PHF14: variants seen among roughly 807,000 people sequenced by gnomAD.
PHF14 encodes PHD finger protein 14.
Under a neutral mutation model 117.9 loss-of-function variants are expected in PHF14, and 55 were observed. The ratio of observed to expected loss-of-function variants is 0.47; its 90% CI spans 0.38 to 0.58. The LOEUF (loss-of-function observed/expected upper bound fraction) is 0.58, where lower values mean the gene tolerates loss of function less well. Ranked by LOEUF, PHF14 falls within the 20% of genes least tolerant of loss-of-function variation. The pLI, the probability that PHF14 is intolerant of heterozygous loss-of-function variation, is 0.00. For missense variants in PHF14, 978 were observed against 1,122.2 expected (o/e 0.87, Z 1.84); for synonymous variants, 409 against 368.6 (o/e 1.11, Z -1.26).
intron 4 of PHF14, among the ~76,000 whole-genome samples, chr7:10,994,870 G>C (rs1782578076): frequency 6.6e-6 from 1 of 152,178 alleles, no homozygotes; most frequent in Non-Finnish European, 1.5e-5. Context: ...TTATTGCAAA[G>C]AGCGAAAGAA....
intron 16 of PHF14, among the ~76,000 whole-genome samples, chr7:11,078,666 T>C (rs953359144): frequency 2.6e-5 from 4 of 152,162 alleles, no homozygotes; most frequent in African/African-American, 9.6e-5. Context: ...CCAACAGTGC[T>C]ATTTTTATTT....
intron 4 of PHF14, among the ~76,000 whole-genome samples, chr7:10,999,403 C>A (rs944666733): frequency 6.6e-6 from 1 of 152,172 alleles, no homozygotes; most frequent in African/African-American, 2.4e-5. Context: ...CTTGTGGTCT[C>A]AATGTCTCAC....
At chr7:11,122,325 T>C (rs1426888607) in intron 17 of PHF14, among the ~76,000 whole-genome samples, 17 of 93,886 alleles carry the variant, frequency 1.8e-4, no homozygotes, top group African/African-American at 8.7e-4. Flanking sequence ...TTACTGTTTG[T>C]ACTTTTTATA....
intron 16 of PHF14, among the ~76,000 whole-genome samples, chr7:11,066,600 G>A (rs1378096172): frequency 6.6e-6 from 1 of 152,100 alleles, no homozygotes; most frequent in African/African-American, 2.4e-5. Flanking sequence ...TTTTGTATAT[G>A]GTTTCAGGTA....
At chr7:11,044,343 A>C (rs539178313) in intron 13 of PHF14, among the ~76,000 whole-genome samples, 17 of 152,222 alleles carry the variant, frequency 1.1e-4, no homozygotes, top group African/African-American at 3.9e-4. Flanking sequence ...AAAAGAAAAG[A>C]AGTAATGTAC....
intron 2 of PHF14, 149 bp downstream of exon 2, chr7:10,975,094 C>G (rs1781815106): frequency 3.1e-6 from 2 of 641,314 alleles, no homozygotes; most frequent in Admixed American, 3.1e-5. Flanking sequence ...CCCATTTTGC[C>G]TTTAGATCCT....
chr7:10,988,320 C>T (rs1253313967), intron 3 of PHF14, among the ~76,000 whole-genome samples: 6 of 151,910 alleles, frequency 3.9e-5, no homozygotes, highest in Non-Finnish European at 8.8e-5. Context: ...TTTTTCTGAG[C>T]AAAATGGAAA....
intron 16 of PHF14, chr7:11,106,965 A>C: frequency 1.0e-6 from 1 of 983,754 alleles, no homozygotes; most frequent in Non-Finnish European, 1.2e-6. Context: ...TGATCATAAA[A>C]ATGTACATCC....
intron 16 of PHF14, among the ~76,000 whole-genome samples, chr7:11,075,307 A>G (rs1785791756): frequency 1.3e-5 from 2 of 152,160 alleles, no homozygotes; most frequent in African/African-American, 4.8e-5. Context: ...ATGTTGCCAT[A>G]AAGAAGTACC....
chr7:11,059,678 G>A (rs1196550569), intron 14 of PHF14, among the ~76,000 whole-genome samples: 1 of 152,068 alleles, frequency 6.6e-6, no homozygotes, highest in African/African-American at 2.4e-5. Context: ...CAAGGCTGAG[G>A]TGTGAGAATC....
intron 16 of PHF14, among the ~76,000 whole-genome samples, chr7:11,097,218 A>T (rs1786910337): frequency 6.6e-6 from 1 of 152,064 alleles, no homozygotes; most frequent in African/African-American, 2.4e-5. Context: ...ATCTCAGGTG[A>T]TCCGCCTGCC....
At chr7:11,107,616 G>A in intron 16 of PHF14, 1 of 746,530 alleles carries the variant, frequency 1.3e-6, no homozygotes, top group Non-Finnish European at 1.6e-6. Context: ...TTCTTTACAG[G>A]TTAGTTTTGT....
In PHF14 at chr7:10,982,984, A is replaced by C. The variant is rs1268069904; in HGVS notation, c.725A>C (p.Glu242Ala). 6.3e-7 allele frequency: 1 copy of C among 1,585,646 alleles called. No individual in the cohort carries two copies. Among genetic ancestry groups the C allele is most frequent in the Non-Finnish European group, 8.6e-7 (1 of 1,166,262 alleles). ...GGAGACAATGAGGATGATGAAGATG[A>C]GGGAAGCGGGAGTGATGAAGACGAG... The part of the protein sequence containing the change: ...SDGDNEDDED[E>A]GSGSDEDEND... The change falls in exon 3 of 18, where the codon GAG becomes GCG. Residue 242 changes from glutamate (E) to alanine (A), a missense_variant. By Grantham distance (107) the Glu-to-Ala change is moderately radical. Coordinates refer to ENST00000634607, the MANE Select transcript of PHF14 (RefSeq NM_001007157.2).
At chr7:11,074,583 A>G (rs1785757974) in intron 16 of PHF14, among the ~76,000 whole-genome samples, 1 of 152,170 alleles carries the variant, frequency 6.6e-6, no homozygotes, top group African/African-American at 2.4e-5. Flanking sequence ...GCCAGGCCAC[A>G]TCTTAACTGC....
Position 11,037,036 on chromosome 7 carries a change from A to T in PHF14, c.1925A>T (p.Asn642Ile), listed in dbSNP as rs1021066834. Residue 642 changes from asparagine to isoleucine, a missense_variant, in exon 10 of 18, where the codon AAT (asparagine) becomes ATT (isoleucine). By Grantham distance (149) the Asn-to-Ile change is moderately radical. Coordinates refer to ENST00000634607, the MANE Select transcript of PHF14 (RefSeq NM_001007157.2). ...QIQENMAEQK[N>I]IKDKLENEQE... ...CAGGAAAATATGGCTGAACAAAAGA[A>T]TATAAAAGATAAATTAGAGAATGAA... 8.6e-6 allele frequency: 13 copies of T among 1,511,002 alleles called. No individual in the cohort carries two copies. In the Admixed American group the frequency reaches 1.1e-4, roughly 13 times the overall value. 93.6% of individuals were successfully genotyped at this position (1,511,002 alleles called of 1,614,324 possible). A position where few individuals can be genotyped will look rare whatever the true frequency, so the allele number is the denominator to read the frequency against.
intron 14 of PHF14, chr7:11,061,227 G>C (rs569823715): frequency 1.2e-4 from 19 of 152,236 alleles, no homozygotes; most frequent in African/African-American, 4.6e-4. Flanking sequence ...GTGAATTTTA[G>C]CTAAATTAGT....
chr7:10,989,810 T>C lies in PHF14; in HGVS notation c.901-893T>C, dbSNP rs578146905. ...CACGCCCAGCTAATTTTAAAATATT[T>C]TGTAGAGACAGGATCTCACTGTGTT... On this transcript the variant is annotated intron_variant, in intron 3 of 17. Coordinates refer to ENST00000634607, the MANE Select transcript of PHF14 (RefSeq NM_001007157.2). Among the ~76,000 whole-genome samples, 403 of 152,252 alleles carry C rather than the reference T, an allele frequency of 2.6e-3. 3 individuals carry two copies. The highest frequency in any genetic ancestry group is 9.4e-3 in the African/African-American group (389 of 41,556).
rs373619933 is a variant in PHF14, at chr7:11,061,831, A to G, written c.2522A>G (p.Glu841Gly). The G allele has an allele frequency of 2.6e-6, 4 of 1,527,846 alleles. No individual in the cohort carries two copies. Among genetic ancestry groups the G allele is most frequent in the Non-Finnish European group, 3.5e-6 (4 of 1,138,376 alleles). 94.6% of individuals were successfully genotyped at this position (1,527,846 alleles called of 1,614,324 possible). A position where few individuals can be genotyped will look rare whatever the true frequency, so the allele number is the denominator to read the frequency against. ...GRKRSFVPEE[E>G]KHEERVPRER... ...AAACGAAGCTTCGTTCCTGAGGAAGAAAAACATGAGGTTGGAATAAGTTAA... is the reference window on the plus strand; with the variant it reads ...AAACGAAGCTTCGTTCCTGAGGAAGGAAAACATGAGGTTGGAATAAGTTAA... The change falls in exon 15 of 18, where the codon GAA (glutamate) becomes GGA (glycine). Residue 841 changes from glutamate to glycine, a missense_variant. Glu to Gly is a moderately conservative substitution (Grantham distance 98). Around this residue, in one of 7 missense-constraint regions of PHF14, gnomAD observed 180 missense variants for 195.4 expected, o/e 0.92. Transcript: ENST00000634607.
At chr7:11,038,420 G>A (rs1383899215) in intron 10 of PHF14, among the ~76,000 whole-genome samples, 28 of 134,784 alleles carry the variant, frequency 2.1e-4, no homozygotes, top group Middle Eastern at 9.2e-3. Flanking sequence ...GACAGAGTGA[G>A]ACTCCATCTC....
Sources: gnomAD v4.1 joint callset for allele counts (sites outside exome capture counted in the v4.1 genomes callset) on GRCh38, gnomAD v4.1.1 for gene constraint, gnomAD v4.1.1 regional missense constraint, MANE v1.5 for transcripts, NCBI Gene and HGNC (gene_info 2026-07-23, HGNC 2026-07-21) for gene names.